AOX1: variants seen among roughly 807,000 people sequenced by gnomAD.
The protein encoded by AOX1 is aldehyde oxidase 1, also known as aldehyde oxidase.
AOX1 carries 153 observed loss-of-function variants against 169.5 expected under a neutral mutation model. That is an observed-to-expected ratio of 0.90 (90% CI 0.79 to 1.03). AOX1 has a LOEUF of 1.03. AOX1 is among the 50% of genes least tolerant of loss of function. The pLI, the probability that AOX1 is intolerant of heterozygous loss-of-function variation, is 0.00. For synonymous variants in AOX1, 562 were observed against 581.9 expected, an observed-to-expected ratio of 0.97 and a Z score of 0.49; for missense variants, 1,656 against 1,663.9, an observed-to-expected ratio of 1.00 and a Z score of 0.08.
chr2:200,637,146 C>A, intron 22 of AOX1, 102 bp downstream of exon 22: 2 of 1,390,892 alleles, frequency 1.4e-6, no homozygotes, highest in Non-Finnish European at 2.0e-6. Context: ...TTTAATATCA[C>A]ATATACGATA....
At chr2:200,590,429 G>A (rs1159667864) in intron 1 of AOX1, among the ~76,000 whole-genome samples, 1 of 152,032 alleles carries the variant, frequency 6.6e-6, no homozygotes, top group East Asian at 1.9e-4. Context: ...CAGAATAACT[G>A]TTACCCATCC....
At chr2:200,609,825 C>T (rs572551448) in intron 12 of AOX1, among the ~76,000 whole-genome samples, 39 of 152,282 alleles carry the variant, frequency 2.6e-4, no homozygotes, top group African/African-American at 8.4e-4. Flanking sequence ...TTGATGGAAA[C>T]ATACAGGTCT....
chr2:200,661,478 G>T, intron 29 of AOX1, 101 bp from the exon 30 acceptor site: 1 of 922,874 alleles, frequency 1.1e-6, no homozygotes, highest in South Asian at 1.4e-5. Context: ...TACTATTGCT[G>T]ATAGTTTTAT....
intron 20 of AOX1, among the ~76,000 whole-genome samples, chr2:200,628,178 TACACACACACATACAC>T (rs1226410010): frequency 6.6e-6 from 1 of 151,908 alleles, no homozygotes; most frequent in African/African-American, 2.4e-5. Flanking sequence ...TCCCCAATTA[TACACACACACATACAC>T]ACACACACAC....
intron 32 of AOX1, among the ~76,000 whole-genome samples, chr2:200,667,272 A>G (rs1414881353): frequency 6.6e-6 from 1 of 152,232 alleles, no homozygotes; most frequent in African/African-American, 2.4e-5. Context: ...AAGTTTGCCC[A>G]CACTGGATCC....
chr2:200,620,982 T>A, intron 17 of AOX1, 138 bp from the exon 18 acceptor site: 1 of 1,330,932 alleles, frequency 7.5e-7, no homozygotes, highest in Non-Finnish European at 1.0e-6. Context: ...TACAACTTCG[T>A]TGTCCCAAGA....
chr2:200,622,936 G>A (rs528289034), intron 18 of AOX1, among the ~76,000 whole-genome samples: 2 of 152,274 alleles, frequency 1.3e-5, no homozygotes, highest in South Asian at 2.1e-4. Flanking sequence ...TTATCAACAC[G>A]TTACCATTCT....
chr2:200,638,003 C>G (rs1266177168), intron 22 of AOX1: 1 of 451,520 alleles, frequency 2.2e-6, no homozygotes, highest in African/African-American at 2.0e-5. Context: ...CTCTGTCCCA[C>G]AAGTTGCAAA....
chr2:200,634,867 T>A lies in AOX1; in HGVS notation c.2298T>A (p.Asp766Glu), dbSNP rs1291845443. ...TGCTTGTCGTTCCCAAGGGAGAGGA[T>A]CAAGAAATGGATGTCTACGTGTCCA... is the stretch of plus-strand genomic sequence containing the variant. The part of the protein sequence containing the change: ...QSMLVVPKGE[D>E]QEMDVYVSTQ... The change falls in exon 21 of 35, where the codon GAT becomes GAA. Residue 766 changes from aspartate to glutamate, a missense_variant. By Grantham distance (45) the Asp-to-Glu change is conservative. Coordinates refer to ENST00000374700, the MANE Select transcript of AOX1 (RefSeq NM_001159.4). The A allele has an allele frequency of 6.2e-7, 1 of 1,614,086 alleles. No homozygotes were observed. The highest frequency in any genetic ancestry group is 2.2e-5 in the East Asian group (1 of 44,860).
At chr2:200,630,221 A>T (rs1213042172) in intron 20 of AOX1, among the ~76,000 whole-genome samples, 1 of 98,756 alleles carries the variant, frequency 1.0e-5, no homozygotes, top group African/African-American at 3.8e-5. Context: ...AAAAAAAAAA[A>T]AAAAAAAAAA....
chr2:200,667,250 C>G (rs1223183292), intron 32 of AOX1, among the ~76,000 whole-genome samples: 1 of 152,186 alleles, frequency 6.6e-6, no homozygotes, highest in Non-Finnish European at 1.5e-5. Flanking sequence ...TCTAGTTTCT[C>G]TTGAAAACAG....
chr2:200,632,688 G>A (rs2035151943), intron 20 of AOX1, among the ~76,000 whole-genome samples: 2 of 151,464 alleles, frequency 1.3e-5, no homozygotes, highest in African/African-American at 4.8e-5. Context: ...CATTATTTCA[G>A]GGTAAATCCG....
In AOX1 at chr2:200,659,210, CG is replaced by C; in HGVS notation, c.3218del (p.Arg1073LeufsTer27). On this transcript the variant is annotated frameshift_variant, in exon 28 of 35. Coordinates refer to ENST00000374700, the MANE Select transcript of AOX1 (RefSeq NM_001159.4). LOFTEE classifies it high-confidence loss of function. The stretch of plus-strand genomic sequence containing the variant: ...AATGCCAATGTCGAATGTCCACCTG[CG>C]TGGAACAAGCACAGAAACTGTCCCT... Reference protein sequence around the residue: ...LRMPMSNVHLRGTSTETVPNA... With the variant: ...LRMPMSNVHLXGTSTETVPNA... The C allele has an allele frequency of 6.2e-7, 1 of 1,613,676 alleles. No homozygotes were observed. Among genetic ancestry groups the C allele is most frequent in the Non-Finnish European group, 8.5e-7 (1 of 1,179,666 alleles).
At chr2:200,682,240 C>A in the AOX1 span, among the ~76,000 whole-genome samples, 1 of 152,054 alleles carries the variant, frequency 6.6e-6, no homozygotes, top group Non-Finnish European at 1.5e-5. Flanking sequence ...AAATATTGAA[C>A]AGAATAAGCC....
chr2:200,618,074 C>A (rs1263195348), intron 16 of AOX1, among the ~76,000 whole-genome samples: 1 of 152,098 alleles, frequency 6.6e-6, no homozygotes, highest in Non-Finnish European at 1.5e-5. Flanking sequence ...ATGCCTGAAC[C>A]CCAATAAGTA....
At chr2:200,660,143 T>A in intron 29 of AOX1, 74 bp downstream of exon 29, 1 of 1,257,422 alleles carries the variant, frequency 8.0e-7, no homozygotes, top group Non-Finnish European at 1.2e-6. Flanking sequence ...CAATGTGCAT[T>A]AATTGAAATC....
chr2:200,587,977 G>A (rs1378905890), intron 1 of AOX1, among the ~76,000 whole-genome samples: 2 of 152,218 alleles, frequency 1.3e-5, no homozygotes, highest in African/African-American at 4.8e-5. Flanking sequence ...AGATACAGCA[G>A]AGCACAGAAA....
intron 16 of AOX1, among the ~76,000 whole-genome samples, chr2:200,620,203 T>TG (rs2034853948): frequency 6.7e-6 from 1 of 148,260 alleles, no homozygotes; most frequent in Admixed American, 6.7e-5. Flanking sequence ...TAGTGACTTT[T>TG]TTTTTTTTTT....
At chr2:200,657,137 A>G (rs1302145580) in intron 27 of AOX1, among the ~76,000 whole-genome samples, 200 bp downstream of exon 27, 2 of 139,830 alleles carry the variant, frequency 1.4e-5, no homozygotes, top group Non-Finnish European at 3.0e-5. Context: ...CAGCCCAGGG[A>G]ACATAGGGAG....
Sources: gnomAD v4.1 joint callset for allele counts (sites outside exome capture counted in the v4.1 genomes callset) on GRCh38, gnomAD v4.1.1 for gene constraint, MANE v1.5 for transcripts, NCBI Gene and HGNC (gene_info 2026-07-23, HGNC 2026-07-21) for gene names.